Variants in XRN2 observed in about 807,000 individuals in gnomAD.
XRN2 encodes DHM1-like protein.
Under a neutral mutation model 138.5 loss-of-function variants are expected in XRN2, and 44 were observed. The observed-to-expected ratio is 0.32, with a 90% CI of 0.25 to 0.41. The LOEUF (loss-of-function observed/expected upper bound fraction) is 0.41. Among genes scored for constraint, XRN2 ranks in the 10% least tolerant of loss-of-function variants. XRN2 has a pLI of 1.00. For synonymous variants in XRN2, 354 were observed against 369.4 expected (o/e 0.96, Z 0.48); for missense variants, 937 against 1,169.3 (o/e 0.80, Z 2.90).
intron 27 of XRN2, among the ~76,000 whole-genome samples, chr20:21,370,193 C>T (rs1473551904): frequency 1.3e-5 from 2 of 152,052 alleles, no homozygotes; most frequent in African/African-American, 4.8e-5. Context: ...TCTGGGTTCT[C>T]TGTTGTATTC....
At position 21,353,223 on chromosome 20, in the gene XRN2, GATATATATATATATAT is replaced by G. The variant is rs869071652; in HGVS notation, c.1937-1539_1937-1524del. On this transcript the variant is annotated intron_variant, in intron 20 of 29. Coordinates refer to ENST00000377191, the MANE Select transcript of XRN2 (RefSeq NM_012255.5). Reference sequence around the variant, plus strand: ...AAATATAAATAAATGTAGTGGGTAGGATATATATATATATATATATATATATATATATATATATATA... The same window carrying G: ...AAATATAAATAAATGTAGTGGGTAGGATATATATATATATATATATATATA... 3.3e-3 allele frequency among the ~76,000 whole-genome samples: 380 copies of G among 113,840 alleles called. 3 individuals are homozygous for G. Among genetic ancestry groups the G allele is most frequent in the African/African-American group, 9.5e-3 (261 of 27,450 alleles). The allele number at this position is 113,840 out of a possible 152,430, so 74.7% of individuals were successfully genotyped here.
intron 3 of XRN2, 74 bp from the exon 4 acceptor site, chr20:21,328,485 C>A: frequency 7.2e-7 from 1 of 1,394,524 alleles, no homozygotes; most frequent in African/African-American, 1.4e-5. Context: ...ATAAGAACAA[C>A]TGATTCAAAA....
chr20:21,346,155 A>G (rs1053833023), intron 16 of XRN2, among the ~76,000 whole-genome samples: 8 of 152,212 alleles, frequency 5.3e-5, no homozygotes, highest in Non-Finnish European at 1.0e-4. Context: ...TTTTTCAATA[A>G]CATTTTTGAA....
intron 1 of XRN2, among the ~76,000 whole-genome samples, chr20:21,325,400 T>G (rs2038110116): frequency 6.6e-6 from 1 of 152,200 alleles, no homozygotes; most frequent in Admixed American, 6.5e-5. Context: ...TGGGGTAGAT[T>G]GACTAACTGT....
At chr20:21,346,957 G>C (rs1433306905) in intron 17 of XRN2, among the ~76,000 whole-genome samples, 2 of 152,086 alleles carry the variant, frequency 1.3e-5, no homozygotes, top group African/African-American at 4.8e-5. Context: ...GCTGGATCTT[G>C]AAAACAAACC....
At chr20:21,321,450 C>G (rs888899643) in intron 1 of XRN2, among the ~76,000 whole-genome samples, 1 of 151,778 alleles carries the variant, frequency 6.6e-6, no homozygotes, top group Non-Finnish European at 1.5e-5. Flanking sequence ...GCCTTAATCT[C>G]CTAGGTAGCT....
In XRN2 at chr20:21,331,174, T is replaced by C. The variant is rs566657744; in HGVS notation, c.577-387T>C. ...AATTATATTTTATAGATATGTGTTA[T>C]TGATTATTCTTGGGGCATATATGGT... is the stretch of plus-strand genomic sequence containing the variant. On this transcript the variant is annotated intron_variant, in intron 6 of 29. Coordinates refer to ENST00000377191, the MANE Select transcript of XRN2 (RefSeq NM_012255.5). 2.4e-4 allele frequency among the ~76,000 whole-genome samples: 36 copies of C among 152,318 alleles called. 1 individual carries two copies. The South Asian group carries it at 7.5e-3, about 32-fold the overall frequency.
intron 1 of XRN2, among the ~76,000 whole-genome samples, chr20:21,317,657 G>T (rs2037978682): frequency 6.6e-6 from 1 of 151,926 alleles, no homozygotes; most frequent in Non-Finnish European, 1.5e-5. Context: ...ATAGTCTCTG[G>T]GTTACTTAAA....
intron 19 of XRN2, 67 bp from the exon 20 acceptor site, chr20:21,349,322 T>C: frequency 9.4e-7 from 1 of 1,064,942 alleles, no homozygotes; most frequent in South Asian, 1.3e-5. Flanking sequence ...ATGAAAGTCA[T>C]ATCAAATTCT....
At chr20:21,330,437 C>T (rs1206768960) in intron 4 of XRN2, 44 bp from the exon 5 acceptor site, 1 of 1,597,514 alleles carries the variant, frequency 6.3e-7, no homozygotes, top group Non-Finnish European at 8.5e-7. Context: ...AGTAATTTAT[C>T]TCACTTTTTA....
intron 26 of XRN2, among the ~76,000 whole-genome samples, chr20:21,366,237 A>G (rs916740646): frequency 1.5e-5 from 2 of 134,644 alleles, no homozygotes; most frequent in Non-Finnish European, 3.1e-5. Context: ...TATATTATAT[A>G]TATAAACTTT....
At chr20:21,368,763 A>G (rs1009827384) in intron 27 of XRN2, among the ~76,000 whole-genome samples, 173 bp downstream of exon 27, 1 of 152,098 alleles carries the variant, frequency 6.6e-6, no homozygotes, top group Non-Finnish European at 1.5e-5. Flanking sequence ...TCTTTCATAC[A>G]TTTTTTATCT....
chr20:21,313,418 A>G (rs987574860), intron 1 of XRN2, among the ~76,000 whole-genome samples: 1 of 152,212 alleles, frequency 6.6e-6, no homozygotes, highest in Non-Finnish European at 1.5e-5. Context: ...TACCATGATT[A>G]TTAATTTTGG....
intron 20 of XRN2, among the ~76,000 whole-genome samples, chr20:21,350,980 CAGAG>C (rs1043487143): frequency 6.6e-6 from 1 of 152,026 alleles, no homozygotes; most frequent in Non-Finnish European, 1.5e-5. Flanking sequence ...TTGATTAAAG[CAGAG>C]AGAGAAGATG....
chr20:21,333,690 C>T lies in XRN2; in HGVS notation c.934-14C>T. 1.9e-6 allele frequency: 3 copies of T among 1,614,026 alleles called. No homozygotes were observed. In the South Asian group the frequency reaches 3.3e-5, roughly 18 times the overall value. On this transcript the variant is annotated splice_polypyrimidine_tract_variant and intron_variant, in intron 10 of 29. Transcript: ENST00000377191. ...TTTGATAGCTGTAATGGCAGCATTC[C>T]TTTTTGGTTGTAGTATTTGGAAAGA...
At chr20:21,364,452 C>T (rs1365465244) in intron 24 of XRN2, among the ~76,000 whole-genome samples, 1 of 152,180 alleles carries the variant, frequency 6.6e-6, no homozygotes. Flanking sequence ...CCACGGCTAT[C>T]ACTACCAGAA....
intron 8 of XRN2, 54 bp downstream of exon 8, chr20:21,331,872 T>A: frequency 6.3e-7 from 1 of 1,585,966 alleles, no homozygotes; most frequent in South Asian, 1.1e-5. Flanking sequence ...AGCAAGTTGA[T>A]GGGTTGGTGT....
intron 27 of XRN2, 59 bp from the exon 28 acceptor site, chr20:21,381,935 G>A (rs2038889820): frequency 1.5e-6 from 2 of 1,369,654 alleles, no homozygotes; most frequent in East Asian, 4.8e-5. Flanking sequence ...AAAATATTGG[G>A]TAGTTGAATA....
chr20:21,341,384 C>T (rs1307254875), intron 15 of XRN2, among the ~76,000 whole-genome samples: 1 of 152,188 alleles, frequency 6.6e-6, no homozygotes, highest in East Asian at 1.9e-4. Flanking sequence ...TGGAATAGAT[C>T]TAAATAAATA....
Sources: allele counts gnomAD v4.1 joint callset (sites outside exome capture counted in the v4.1 genomes callset), GRCh38; gene constraint gnomAD v4.1.1; transcripts MANE v1.5; gene names NCBI Gene and HGNC (gene_info 2026-07-23, HGNC 2026-07-21).